Variants in INO80C observed in about 807,000 individuals in gnomAD.
INO80C encodes INO80 complex subunit C, also known as IES6 homolog.
A neutral mutation model predicts 17.7 loss-of-function variants in INO80C; 17 were observed. The ratio of observed to expected loss-of-function variants is 0.96; its 90% CI spans 0.66 to 1.44. The LOEUF (loss-of-function observed/expected upper bound fraction) is 1.44, where lower values mean the gene tolerates loss of function less well. Among genes scored for constraint, INO80C ranks in the 40% most tolerant of loss-of-function variants. The probability of loss-of-function intolerance (pLI) is 0.00; values close to 1 mark genes in which losing one functional copy is unlikely to be tolerated. For missense variants in INO80C, 244 were observed against 245.0 expected, an observed-to-expected ratio of 1.00 and a Z score of 0.03; for synonymous variants, 96 against 95.8, an observed-to-expected ratio of 1.00 and a Z score of -0.01.
Position 35,479,342 on chromosome 18 carries a change from C to G in INO80C, c.337G>C (p.Ala113Pro). Residue 113 changes from alanine (A) to proline (P), a missense_variant, in exon 3 of 5, where the codon GCT becomes CCT. By Grantham distance (27) the Ala-to-Pro change is conservative (BLOSUM62 -1). Transcript: ENST00000334598. ...RTWKNLKQIL[A>P]SERALPWQLN... ...TGCCACGGCAATGCCCTTTCAGAAGCGAGGATTTGTTTCAGGTTCTTCCAG... is the reference window on the plus strand; with the variant it reads ...TGCCACGGCAATGCCCTTTCAGAAGGGAGGATTTGTTTCAGGTTCTTCCAG... 1 of 1,614,064 alleles carries G rather than the reference C, an allele frequency of 6.2e-7. No homozygotes were observed.
At chr18:35,472,710 C>A (rs2045685339) in intron 4 of INO80C, among the ~76,000 whole-genome samples, 1 of 152,214 alleles carries the variant, frequency 6.6e-6, no homozygotes, top group Non-Finnish European at 1.5e-5. Flanking sequence ...TATGTTCCCA[C>A]CTCAAAACAA....
chr18:35,475,410 G>T (rs374314033), intron 4 of INO80C, among the ~76,000 whole-genome samples: 1 of 152,246 alleles, frequency 6.6e-6, no homozygotes, highest in Admixed American at 6.5e-5. Context: ...GCTCACGCCT[G>T]TAATCCCAGC....
At chr18:35,471,393 T>A (rs1474542948) in intron 4 of INO80C, among the ~76,000 whole-genome samples, 5 of 152,186 alleles carry the variant, frequency 3.3e-5, no homozygotes, top group African/African-American at 1.2e-4. Context: ...TGTTGATTTT[T>A]ATATATGTGG....
At chr18:35,493,913 A>G (rs1474910047) in intron 1 of INO80C, among the ~76,000 whole-genome samples, 1 of 152,240 alleles carries the variant, frequency 6.6e-6, no homozygotes, top group Non-Finnish European at 1.5e-5. Flanking sequence ...AAAGACCTAT[A>G]AAATCTCCTC....
intron 4 of INO80C, among the ~76,000 whole-genome samples, chr18:35,476,182 C>T (rs752050284): frequency 6.6e-6 from 1 of 152,156 alleles, no homozygotes; most frequent in Non-Finnish European, 1.5e-5. Flanking sequence ...CCAGTTTTAT[C>T]ATGAGAAAAC....
chr18:35,497,926 T>G lies in INO80C; in HGVS notation c.-52A>C. The G allele has an allele frequency of 6.8e-7, 1 of 1,473,450 alleles. No individual in the cohort carries two copies. Among genetic ancestry groups the G allele is most frequent in the South Asian group, 1.4e-5 (1 of 71,978 alleles). 91.3% of individuals were successfully genotyped at this position (1,473,450 alleles called of 1,614,324 possible). A position where few individuals can be genotyped will look rare whatever the true frequency, so the allele number is the denominator to read the frequency against. On this transcript the variant is annotated 5_prime_UTR_variant, in exon 1 of 5. Coordinates refer to ENST00000334598, the MANE Select transcript of INO80C (RefSeq NM_194281.4). ...CCCACCTTTTTCCCAGCGCGGGCCT[T>G]GGAACTTCCTTTCCGCTGTTACTTC...
At chr18:35,480,835 G>A (rs777880093) in intron 1 of INO80C, among the ~76,000 whole-genome samples, 19 of 152,218 alleles carry the variant, frequency 1.2e-4, no homozygotes, top group Non-Finnish European at 1.9e-4. Context: ...GCTGTCCTAC[G>A]CAAGTTAGCT....
intron 1 of INO80C, among the ~76,000 whole-genome samples, chr18:35,484,938 G>T (rs568818654): frequency 1.3e-5 from 2 of 152,124 alleles, no homozygotes; most frequent in African/African-American, 4.8e-5. Context: ...CCATAGATTG[G>T]GTGGCTTATA....
At chr18:35,491,123 G>C (rs1325143362) in intron 1 of INO80C, among the ~76,000 whole-genome samples, 1 of 152,166 alleles carries the variant, frequency 6.6e-6, no homozygotes, top group African/African-American at 2.4e-5. Context: ...GAAGCTCAAA[G>C]GTGCTGTGTG....
At chr18:35,486,301 C>T (rs1051602848) in intron 1 of INO80C, among the ~76,000 whole-genome samples, 4 of 152,112 alleles carry the variant, frequency 2.6e-5, no homozygotes, top group African/African-American at 7.2e-5. Flanking sequence ...ATATGAGATA[C>T]GTAGTCACAT....
At chr18:35,468,789 G>A in intron 4 of INO80C, 47 bp from the exon 5 acceptor site, 2 of 1,566,654 alleles carry the variant, frequency 1.3e-6, no homozygotes, top group Non-Finnish European at 1.7e-6. Context: ...TTTGCTGGTA[G>A]GGATATTTTA....
At chr18:35,479,063 A>C in intron 3 of INO80C, 1 of 385,512 alleles carries the variant, frequency 2.6e-6, no homozygotes, top group Non-Finnish European at 4.6e-6. Context: ...ATATTATCAT[A>C]TTGGGACCTA....
chr18:35,473,000 T>C (rs1304169935), intron 4 of INO80C, among the ~76,000 whole-genome samples: 1 of 152,228 alleles, frequency 6.6e-6, no homozygotes, highest in Non-Finnish European at 1.5e-5. Flanking sequence ...TAATGTGTAA[T>C]GTGACAAGTC....
chr18:35,480,613 G>A, intron 1 of INO80C, 50 bp from the exon 2 acceptor site: 1 of 1,341,486 alleles, frequency 7.5e-7, no homozygotes, highest in Non-Finnish European at 1.1e-6. Context: ...TTTCAGCTGA[G>A]TTCCCCACCT....
chr18:35,471,341 A>G (rs73414862), intron 4 of INO80C, among the ~76,000 whole-genome samples: 2,489 of 152,278 alleles, frequency 0.016, 78 homozygotes, highest in African/African-American at 0.057. Flanking sequence ...CCCTATACAC[A>G]TATGTAAACA....
rs8097154 is a variant in INO80C at position 35,481,042 on chromosome 18, C to T, written c.157-479G>A. Among the ~76,000 whole-genome samples, 558 of 152,314 alleles carry T rather than the reference C, an allele frequency of 3.7e-3. 2 individuals carry two copies. Among genetic ancestry groups the T allele is most frequent in the African/African-American group, 0.013 (529 of 41,568 alleles). On this transcript the variant is annotated intron_variant, in intron 1 of 4. Transcript: ENST00000334598. ...CTGACTTCCACTGATCTTATGAACT[C>T]TGTCTTAAAATATTAAGACAACAAA...
At chr18:35,475,641 C>T (rs944786294) in intron 4 of INO80C, among the ~76,000 whole-genome samples, 4 of 151,610 alleles carry the variant, frequency 2.6e-5, no homozygotes, top group Admixed American at 6.6e-5. Flanking sequence ...TCACTGCACT[C>T]CAGCCTGGGC....
chr18:35,491,981 C>G (rs530700810), intron 1 of INO80C, among the ~76,000 whole-genome samples: 1 of 152,298 alleles, frequency 6.6e-6, no homozygotes, highest in African/African-American at 2.4e-5. Context: ...TTCACAAGGC[C>G]TGGGTCTCGC....
At chr18:35,490,371 C>A (rs1300345949) in intron 1 of INO80C, among the ~76,000 whole-genome samples, 1 of 152,162 alleles carries the variant, frequency 6.6e-6, no homozygotes, top group East Asian at 1.9e-4. Context: ...ACCCTGAGAG[C>A]TATCCAGTAA....
Sources: allele counts gnomAD v4.1 joint callset (sites outside exome capture counted in the v4.1 genomes callset), GRCh38; gene constraint gnomAD v4.1.1; transcripts MANE v1.5; gene names NCBI Gene and HGNC (gene_info 2026-07-23, HGNC 2026-07-21).